The following RPS6KA2 variants were observed in gnomAD, a reference collection of about 807,000 sequenced individuals.
RPS6KA2 encodes ribosomal protein S6 kinase alpha-2.
In RPS6KA2, 42 loss-of-function variants were observed where a neutral mutation model predicts 91.8. The observed-to-expected ratio is 0.46, with a 90% CI of 0.36 to 0.59. The LOEUF is 0.59. RPS6KA2 is among the 20% of genes least tolerant of loss of function. The pLI is 0.00. For synonymous variants in RPS6KA2, 414 were observed against 393.6 expected, an observed-to-expected ratio of 1.05 and a Z score of -0.61; for missense variants, 798 against 978.5, an observed-to-expected ratio of 0.82 and a Z score of 2.46.
At chr6:166,818,415 C>G (rs1779824273) in intron 2 of RPS6KA2, among the ~76,000 whole-genome samples, 1 of 152,198 alleles carries the variant, frequency 6.6e-6, no homozygotes, top group East Asian at 1.9e-4. Flanking sequence ...GACAAGAAAG[C>G]TGCATCGCTG....
chr6:166,817,298 G>T (rs1191541556), intron 2 of RPS6KA2, among the ~76,000 whole-genome samples: 1 of 151,972 alleles, frequency 6.6e-6, no homozygotes, highest in African/African-American at 2.4e-5. Context: ...CATCATGGTG[G>T]CTTAGTCTGG....
chr6:166,546,680 A>G (rs2128498535), intron 1 of RPS6KA2, among the ~76,000 whole-genome samples: 1 of 152,314 alleles, frequency 6.6e-6, no homozygotes, highest in Non-Finnish European at 1.5e-5. Context: ...TTTAGCAGAA[A>G]AGGGAAAATA....
At chr6:166,692,930 T>C (rs1258791575) in intron 2 of RPS6KA2, among the ~76,000 whole-genome samples, 1 of 152,198 alleles carries the variant, frequency 6.6e-6, no homozygotes, top group South Asian at 2.1e-4. Context: ...CTCCTCCACA[T>C]TTCAGAGAGC....
At chr6:166,783,739 G>C (rs1215513529) in intron 2 of RPS6KA2, among the ~76,000 whole-genome samples, 3 of 124,330 alleles carry the variant, frequency 2.4e-5, no homozygotes, top group African/African-American at 3.6e-5. Flanking sequence ...TACACGCGTG[G>C]ACACCTATCT....
upstream of RPS6KA2, among the ~76,000 whole-genome samples, chr6:166,631,855 G>A (rs74730092): frequency 0.014 from 2,182 of 152,264 alleles, 56 homozygotes; most frequent in African/African-American, 0.05. Context: ...CGCGGCAAAC[G>A]GAGCCCAGAC....
chr6:166,446,961 T>C (rs930843203), intron 14 of RPS6KA2, among the ~76,000 whole-genome samples: 2 of 152,114 alleles, frequency 1.3e-5, no homozygotes, highest in Admixed American at 1.3e-4. Context: ...CAAGTGAAAT[T>C]CTCTTGTCTA....
intron 12 of RPS6KA2, among the ~76,000 whole-genome samples, chr6:166,455,945 G>A (rs978553409): frequency 1.3e-5 from 2 of 152,250 alleles, no homozygotes; most frequent in East Asian, 1.9e-4. Flanking sequence ...TGGGGAATCC[G>A]CAGAGCCACA....
rs1780759576 is a variant in RPS6KA2, at chr6:166,852,093, T to G, written c.123+6107A>C. On this transcript the variant is annotated intron_variant, in intron 2 of 21. Transcript: ENST00000503859. The surrounding 1 kb of genome is among the most constrained non-coding windows in gnomAD (Gnocchi z 4.1). ...CAGTGGCTTAGCCGCATCACCCGCT[T>G]TCCAGGAGGCATGATGCTTACCCTA... is the stretch of plus-strand genomic sequence containing the variant. 6.6e-6 allele frequency among the ~76,000 whole-genome samples: 1 copy of G among 152,190 alleles called. No individual in the cohort carries two copies. The highest frequency in any genetic ancestry group is 1.5e-5 in the Non-Finnish European group (1 of 68,026).
rs902395044 is a variant in RPS6KA2, at chr6:166,852,706, C to G, written c.123+5494G>C. Among the ~76,000 whole-genome samples, 16 of 152,114 alleles carry G rather than the reference C, an allele frequency of 1.1e-4. No individual in the cohort carries two copies. Among genetic ancestry groups the G allele is most frequent in the South Asian group, 1.0e-3 (5 of 4,826 alleles). On this transcript the variant is annotated intron_variant, in intron 2 of 21. Transcript: ENST00000503859. This position sits in a 1 kb window ranked among gnomAD's most constrained non-coding sequence, Gnocchi z 4.1. ...GAGCTGGGCATTGGAGGAGGCCACGCTGACACGCTCAGGAGCTCATCCCTG... is the reference window on the plus strand; with the variant it reads ...GAGCTGGGCATTGGAGGAGGCCACGGTGACACGCTCAGGAGCTCATCCCTG...
intron 2 of RPS6KA2, among the ~76,000 whole-genome samples, chr6:166,535,811 C>G (rs920824054): frequency 6.6e-6 from 1 of 152,256 alleles, no homozygotes; most frequent in Non-Finnish European, 1.5e-5. Context: ...TGGTCCCAAG[C>G]ACCACCCATG....
At chr6:166,692,883 G>C (rs1457663797) in intron 2 of RPS6KA2, among the ~76,000 whole-genome samples, 3 of 152,198 alleles carry the variant, frequency 2.0e-5, no homozygotes, top group Non-Finnish European at 4.4e-5. Context: ...TGGCCAGGGA[G>C]CCACACTGTC....
chr6:166,476,994 A>T (rs1781001955), intron 10 of RPS6KA2, among the ~76,000 whole-genome samples: 1 of 152,270 alleles, frequency 6.6e-6, no homozygotes, highest in African/African-American at 2.4e-5. Flanking sequence ...CTTTTGGAGG[A>T]ACGAGAATAA....
At chr6:166,451,644 G>A (rs1425976626) in intron 12 of RPS6KA2, among the ~76,000 whole-genome samples, 3 of 152,156 alleles carry the variant, frequency 2.0e-5, no homozygotes. Flanking sequence ...CATGAATCCT[G>A]TATCCTTAGC....
At chr6:166,806,191 G>C (rs1264643454) in intron 2 of RPS6KA2, among the ~76,000 whole-genome samples, 1 of 152,132 alleles carries the variant, frequency 6.6e-6, no homozygotes, top group Non-Finnish European at 1.5e-5. Context: ...GAGAGAAAGG[G>C]ATAGAGAGAG....
At chr6:166,541,107 A>G (rs1783639018) in intron 1 of RPS6KA2, among the ~76,000 whole-genome samples, 1 of 152,174 alleles carries the variant, frequency 6.6e-6, no homozygotes, top group Admixed American at 6.5e-5. Context: ...CTCCCAAAAT[A>G]GCTCCCATCA....
Position 166,467,659 on chromosome 6 carries a change from C to T in RPS6KA2, c.972+2182G>A, listed in dbSNP as rs114983443. On this transcript the variant is annotated intron_variant, in intron 11 of 20. Coordinates refer to ENST00000265678, the MANE Select transcript of RPS6KA2 (RefSeq NM_021135.6). The stretch of plus-strand genomic sequence containing the variant: ...CCATGGAGGCATGGGAAGGAGGCTC[C>T]GTGAGGATGGGAGGGGTGAGGTGTG... 5.4e-3 allele frequency among the ~76,000 whole-genome samples: 819 copies of T among 152,288 alleles called. 12 individuals carry two copies. Among genetic ancestry groups the T allele is most frequent in the African/African-American group, 0.019 (786 of 41,568 alleles).
In RPS6KA2 at chr6:166,490,149, T is replaced by A. The variant is rs571201927; in HGVS notation, c.818+522A>T. 6.6e-6 allele frequency among the ~76,000 whole-genome samples: 1 copy of A among 152,286 alleles called. No homozygotes were observed. Among genetic ancestry groups the A allele is most frequent in the South Asian group, 2.1e-4 (1 of 4,816 alleles). On this transcript the variant is annotated intron_variant, in intron 9 of 20. Coordinates refer to ENST00000265678, the MANE Select transcript of RPS6KA2 (RefSeq NM_021135.6). This position sits in a 1 kb window ranked among gnomAD's most constrained non-coding sequence, Gnocchi z 4.2. ...AGAATTAAGCAGAAAATGGTTTGTA[T>A]CCAGTCACATGGTAAAACGATACCG...
chr6:166,852,902 T>C lies in RPS6KA2; in HGVS notation c.123+5298A>G, dbSNP rs1375833527. Among the ~76,000 whole-genome samples, 1 of 152,130 alleles carries C rather than the reference T, an allele frequency of 6.6e-6. No homozygotes were observed. The highest frequency in any genetic ancestry group is 1.9e-4 in the East Asian group (1 of 5,198). ...CCCCGTGTGGCTGTGTCCTGCCAACTGATGGTGACAGCAGGAAATGCACCT... is the reference window on the plus strand; with the variant it reads ...CCCCGTGTGGCTGTGTCCTGCCAACCGATGGTGACAGCAGGAAATGCACCT... On this transcript the variant is annotated intron_variant, in intron 2 of 21. Transcript: ENST00000503859. This position sits in a 1 kb window ranked among gnomAD's most constrained non-coding sequence, Gnocchi z 4.1.
chr6:166,802,116 A>AT (rs1779381997), intron 2 of RPS6KA2, among the ~76,000 whole-genome samples: 1 of 151,630 alleles, frequency 6.6e-6, no homozygotes, highest in Non-Finnish European at 1.5e-5. Context: ...ACACACACAA[A>AT]CAAATTAGCC....
Sources: gnomAD v4.1 joint callset for allele counts (sites outside exome capture counted in the v4.1 genomes callset) on GRCh38, gnomAD v4.1.1 for gene constraint, Gnocchi (gnomAD v3.1) non-coding constraint, MANE v1.5 for transcripts, NCBI Gene and HGNC (gene_info 2026-07-23, HGNC 2026-07-21) for gene names.